TMPRSS15: variants seen among roughly 807,000 people sequenced by gnomAD.
TMPRSS15 encodes the protein enteropeptidase.
A neutral mutation model predicts 125.3 loss-of-function variants in TMPRSS15; 128 were observed. The ratio of observed to expected loss-of-function variants is 1.02; its 90% CI spans 0.89 to 1.18. The LOEUF (loss-of-function observed/expected upper bound fraction) is 1.18, where lower values mean the gene tolerates loss of function less well. Among genes scored for constraint, TMPRSS15 ranks in the 50% most tolerant of loss-of-function variants. The pLI is 0.00. For synonymous variants in TMPRSS15, 446 were observed against 423.2 expected (o/e 1.05, Z -0.66); for missense variants, 1,283 against 1,212.7 (o/e 1.06, Z -0.86).
chr21:18,272,275 G>GTATC, intron 24 of TMPRSS15, among the ~76,000 whole-genome samples: 1 of 152,104 alleles, frequency 6.6e-6, no homozygotes, highest in East Asian at 1.9e-4. Context: ...GCATGAGATG[G>GTATC]TATCTCATTG....
Position 18,446,070 on chromosome 21 carries a change from A to G in TMPRSS15, c.10+39729T>C, listed in dbSNP as rs146942910. ...ATACTTAGGAAAACCTCAAGACTCAACCAAACCACTGTTAGAAGTGATAAG... is the reference window on the plus strand; with the variant it reads ...ATACTTAGGAAAACCTCAAGACTCAGCCAAACCACTGTTAGAAGTGATAAG... On this transcript the variant is annotated intron_variant, in intron 1 of 7. Transcript: ENST00000422787. Among the ~76,000 whole-genome samples, 57 of 152,318 alleles carry G rather than the reference A, an allele frequency of 3.7e-4. 1 individual carries two copies. Among genetic ancestry groups the G allele is most frequent in the Admixed American group, 1.0e-3 (16 of 15,298 alleles).
At chr21:18,454,675 C>A (rs1239015421) in intron 1 of TMPRSS15, among the ~76,000 whole-genome samples, 1 of 152,068 alleles carries the variant, frequency 6.6e-6, no homozygotes, top group Non-Finnish European at 1.5e-5. Flanking sequence ...CAAGCTCCAA[C>A]GTCCAAGAGC....
rs538604333 is a variant in TMPRSS15, at chr21:18,451,759, G to T, written c.10+34040C>A. On this transcript the variant is annotated intron_variant, in intron 1 of 7. Transcript: ENST00000422787. ...TTTTCTATACTTTCCTGGTGGAAAA[G>T]GTTCAGTTTTTGTATGACTGTCCAA... 6.5e-4 allele frequency among the ~76,000 whole-genome samples: 99 copies of T among 152,156 alleles called. 2 individuals are homozygous for T. The South Asian group carries it at 0.014, about 22-fold the overall frequency.
chr21:18,425,668 T>A (rs2076201182), intron 1 of TMPRSS15, among the ~76,000 whole-genome samples: 1 of 150,840 alleles, frequency 6.6e-6, no homozygotes, highest in African/African-American at 2.4e-5. Context: ...ATTACCTGTG[T>A]AGAAATAAGA....
intron 1 of TMPRSS15, among the ~76,000 whole-genome samples, chr21:18,467,385 T>C (rs547046678): frequency 9.3e-5 from 14 of 149,968 alleles, no homozygotes; most frequent in South Asian, 4.2e-4. Flanking sequence ...TGCACATGTA[T>C]CCCAGAATGA....
intron 18 of TMPRSS15, among the ~76,000 whole-genome samples, chr21:18,304,021 G>A (rs550941408): frequency 2.6e-5 from 4 of 152,270 alleles, no homozygotes; most frequent in Admixed American, 2.6e-4. Context: ...ACCCGTCTGT[G>A]GGTGGTGAAA....
chr21:18,388,282 G>C (rs2075962640), intron 3 of TMPRSS15, among the ~76,000 whole-genome samples: 1 of 152,030 alleles, frequency 6.6e-6, no homozygotes, highest in East Asian at 1.9e-4. Context: ...TGGCCTCCTA[G>C]GTAGCTATAA....
Position 18,341,557 on chromosome 21 carries a change from C to CAGAG in TMPRSS15, c.1429-13_1429-10dup. On this transcript the variant is annotated splice_polypyrimidine_tract_variant and intron_variant, in intron 12 of 24. Coordinates refer to ENST00000284885, the MANE Select transcript of TMPRSS15 (RefSeq NM_002772.3). ...AAAGCATTAAAAGCAACCTGCAATT[C>CAGAG]AGAGAGGCATATGAAACGATTTGAT... 4 of 1,613,930 alleles carry CAGAG rather than the reference C, an allele frequency of 2.5e-6. No homozygotes were observed. The highest frequency in any genetic ancestry group is 3.4e-6 in the Non-Finnish European group (4 of 1,179,878).
Position 18,358,744 on chromosome 21 carries a change from T to A in TMPRSS15, c.880+1013A>T, listed in dbSNP as rs151100069. 4.6e-5 allele frequency among the ~76,000 whole-genome samples: 7 copies of A among 152,130 alleles called. No individual in the cohort carries two copies. In the East Asian group the frequency reaches 1.2e-3, roughly 25 times the overall value. Reference sequence around the variant, plus strand: ...TGTTCTGTAAAACATATTTTGCAGGTTTGTTGAAAATATTAAAGAAGAAAA... The same window carrying A: ...TGTTCTGTAAAACATATTTTGCAGGATTGTTGAAAATATTAAAGAAGAAAA... On this transcript the variant is annotated intron_variant, in intron 8 of 24. Transcript: ENST00000284885.
At chr21:18,398,157 A>T in intron 2 of TMPRSS15, 42 bp downstream of exon 2, 2 of 1,610,356 alleles carry the variant, frequency 1.2e-6, no homozygotes, top group African/African-American at 1.3e-5. Context: ...GCAAGTAGTT[A>T]AACTGTGTTA....
intron 1 of TMPRSS15, among the ~76,000 whole-genome samples, chr21:18,450,630 C>A (rs979633291): frequency 6.6e-6 from 1 of 152,032 alleles, no homozygotes; most frequent in Non-Finnish European, 1.5e-5. Context: ...TAGCTGTCAG[C>A]AAGGGAAGGA....
chr21:18,402,013 T>G (rs1243177776), intron 1 of TMPRSS15, among the ~76,000 whole-genome samples: 1 of 152,190 alleles, frequency 6.6e-6, no homozygotes, highest in Admixed American at 6.5e-5. Context: ...TAATTCAATC[T>G]GTATTGTATT....
chr21:18,358,711 C>T (rs1035243861), intron 8 of TMPRSS15, among the ~76,000 whole-genome samples: 2 of 151,890 alleles, frequency 1.3e-5, no homozygotes, highest in Admixed American at 6.6e-5. Flanking sequence ...TATTATACCT[C>T]ATTTTACTGT....
At chr21:18,313,734 T>C (rs1016203649) in intron 17 of TMPRSS15, among the ~76,000 whole-genome samples, 2 of 151,880 alleles carry the variant, frequency 1.3e-5, no homozygotes, top group Admixed American at 6.6e-5. Flanking sequence ...ACCATAAAAA[T>C]GGAAAATGCA....
chr21:18,357,686 T>C (rs1156402138), intron 8 of TMPRSS15, among the ~76,000 whole-genome samples: 1 of 151,774 alleles, frequency 6.6e-6, no homozygotes, highest in Non-Finnish European at 1.5e-5. Context: ...ATCTGCATTA[T>C]TACCATACAA....
At chr21:18,272,175 CCCA>C (rs1377861372) in intron 24 of TMPRSS15, among the ~76,000 whole-genome samples, 1 of 152,294 alleles carries the variant, frequency 6.6e-6, no homozygotes, top group East Asian at 1.9e-4. Flanking sequence ...AATTTACATT[CCCA>C]CCAACACTGT....
chr21:18,344,954 T>C (rs1047466367), intron 10 of TMPRSS15, among the ~76,000 whole-genome samples: 2 of 152,190 alleles, frequency 1.3e-5, no homozygotes, highest in Non-Finnish European at 2.9e-5. Flanking sequence ...TCTTGTGCTT[T>C]GCAACAGAAA....
chr21:18,302,278 T>C (rs749668859), intron 18 of TMPRSS15, among the ~76,000 whole-genome samples: 13 of 152,126 alleles, frequency 8.5e-5, no homozygotes, highest in Non-Finnish European at 1.5e-4. Flanking sequence ...CTTTTCAGAT[T>C]GGAGGGAAAG....
At chr21:18,338,184 G>A (rs1360160159) in intron 13 of TMPRSS15, among the ~76,000 whole-genome samples, 1 of 152,038 alleles carries the variant, frequency 6.6e-6, no homozygotes, top group East Asian at 1.9e-4. Context: ...TGTATGATAT[G>A]ATGTAAAAAA....
Sources: gnomAD v4.1 joint callset for allele counts (sites outside exome capture counted in the v4.1 genomes callset) on GRCh38, gnomAD v4.1.1 for gene constraint, MANE v1.5 for transcripts, NCBI Gene and HGNC (gene_info 2026-07-23, HGNC 2026-07-21) for gene names.